GLIS3: variants seen among roughly 807,000 people sequenced by gnomAD.
GLIS3 encodes zinc finger protein GLIS3.
GLIS3 carries 53 observed loss-of-function variants against 78.6 expected under a neutral mutation model. The observed-to-expected ratio is 0.67, with a 90% CI of 0.54 to 0.85. The LOEUF is 0.85. GLIS3 is among the 40% of genes least tolerant of loss of function. GLIS3 has a pLI of 0.00. For synonymous variants in GLIS3, 684 were observed against 509.9 expected, an observed-to-expected ratio of 1.34 and a Z score of -4.60; for missense variants, 1,703 against 1,231.1, an observed-to-expected ratio of 1.38 and a Z score of -5.74.
intron 2 of GLIS3, among the ~76,000 whole-genome samples, chr9:4,216,437 G>T (rs780593722): frequency 1.4e-5 from 2 of 147,038 alleles, no homozygotes; most frequent in Admixed American, 6.9e-5. Context: ...CTGAGATTGC[G>T]CCACTGCACT....
intron 2 of GLIS3, among the ~76,000 whole-genome samples, chr9:4,209,819 C>A (rs112259464): frequency 0.039 from 5,008 of 129,552 alleles, 110 homozygotes; most frequent in Middle Eastern, 0.08. Context: ...ATTCCCGCCC[C>A]CCCCCAGTTG....
At chr9:3,836,324 A>G (rs924667916) in intron 9 of GLIS3, among the ~76,000 whole-genome samples, 11 of 152,218 alleles carry the variant, frequency 7.2e-5, no homozygotes, top group African/African-American at 2.7e-4. Context: ...TGAGCTTTAC[A>G]GCTCTAATTA....
intron 2 of GLIS3, among the ~76,000 whole-genome samples, chr9:4,314,611 A>G (rs1817412187): frequency 6.6e-6 from 1 of 152,224 alleles, no homozygotes; most frequent in Admixed American, 6.5e-5. Context: ...CAGCTACGGA[A>G]TCTTTCATAT....
intron 2 of GLIS3, among the ~76,000 whole-genome samples, chr9:4,142,891 G>A (rs887842436): frequency 6.6e-6 from 1 of 152,072 alleles, no homozygotes; most frequent in African/African-American, 2.4e-5. Flanking sequence ...GAAATTTTGA[G>A]AAATCAAATT....
chr9:4,026,726 T>C (rs923308950), intron 4 of GLIS3, among the ~76,000 whole-genome samples: 2 of 152,214 alleles, frequency 1.3e-5, no homozygotes, highest in Non-Finnish European at 2.9e-5. Context: ...ATTTTTAAGA[T>C]ATGCATTAAA....
rs372723422 is a variant in GLIS3, at chr9:3,872,643, G to A, written c.2297+6784C>T. Among the ~76,000 whole-genome samples, 5 of 152,238 alleles carry A rather than the reference G, an allele frequency of 3.3e-5. No homozygotes were observed. In the East Asian group the frequency reaches 5.8e-4, roughly 18 times the overall value. On this transcript the variant is annotated intron_variant, in intron 8 of 10. Transcript: ENST00000381971. ...ACAACAGTATGGGGGAAACCATCCCGATGATTCAATTATCTCCCAACAGAT... is the reference window on the plus strand; with the variant it reads ...ACAACAGTATGGGGGAAACCATCCCAATGATTCAATTATCTCCCAACAGAT...
At chr9:4,418,233 G>C in the GLIS3 span, among the ~76,000 whole-genome samples, 1 of 150,736 alleles carries the variant, frequency 6.6e-6, no homozygotes, top group South Asian at 2.1e-4. Flanking sequence ...GCTAGAGATG[G>C]CTGAGGCAAT....
chr9:4,207,345 G>A (rs970455004), intron 2 of GLIS3, among the ~76,000 whole-genome samples: 1 of 152,156 alleles, frequency 6.6e-6, no homozygotes, highest in Non-Finnish European at 1.5e-5. Flanking sequence ...CTTAACTTAG[G>A]AATTTCCATT....
chr9:3,869,231 TA>T (rs1397468667), intron 8 of GLIS3, among the ~76,000 whole-genome samples: 1 of 147,832 alleles, frequency 6.8e-6, no homozygotes, highest in Non-Finnish European at 1.5e-5. Context: ...ATTACACATA[TA>T]CTACATTAAA....
At chr9:4,280,493 A>G (rs1251844327) in intron 2 of GLIS3, among the ~76,000 whole-genome samples, 1 of 152,222 alleles carries the variant, frequency 6.6e-6, no homozygotes, top group African/African-American at 2.4e-5. Flanking sequence ...CTTGAGAGAG[A>G]TAAAAGAGGC....
intron 4 of GLIS3, among the ~76,000 whole-genome samples, chr9:3,983,288 TGA>T (rs1819454564): frequency 6.6e-6 from 1 of 152,190 alleles, no homozygotes; most frequent in Non-Finnish European, 1.5e-5. Flanking sequence ...GCCATGATTG[TGA>T]GGTCTCCCCA....
intron 8 of GLIS3, among the ~76,000 whole-genome samples, chr9:3,871,172 G>T (rs770279222): frequency 2.0e-5 from 3 of 152,336 alleles, no homozygotes; most frequent in East Asian, 1.9e-4. Flanking sequence ...GATGCAAGAG[G>T]TGGGTTCCCA....
intron 2 of GLIS3, among the ~76,000 whole-genome samples, chr9:4,257,134 T>C (rs1436373183): frequency 6.6e-6 from 1 of 152,194 alleles, no homozygotes; most frequent in Non-Finnish European, 1.5e-5. Context: ...TGTCTGTTGA[T>C]GTGTACATAT....
rs1480907703 is a variant in GLIS3, at chr9:3,825,511, T to C, written c.*2761A>G. 6.6e-6 allele frequency: 1 copy of C among 152,144 alleles called. No homozygotes were observed. The highest frequency in any genetic ancestry group is 1.5e-5 in the Non-Finnish European group (1 of 68,020). The allele number at this position is 152,144 out of a possible 1,614,324, so 9.4% of individuals were successfully genotyped here. A position where few individuals can be genotyped will look rare whatever the true frequency, so the allele number is the denominator to read the frequency against. ...ACTAGTTTTGTGTTTTGTTTCTGTTTTTAAGGGGAATGACAATCTCTGTTT... is the reference window on the plus strand; with the variant it reads ...ACTAGTTTTGTGTTTTGTTTCTGTTCTTAAGGGGAATGACAATCTCTGTTT... On this transcript the variant is annotated 3_prime_UTR_variant, in exon 11 of 11. Coordinates refer to ENST00000381971, the MANE Select transcript of GLIS3 (RefSeq NM_001042413.2).
intron 8 of GLIS3, among the ~76,000 whole-genome samples, chr9:3,859,347 C>T (rs550007472): frequency 2.3e-4 from 31 of 137,504 alleles, no homozygotes; most frequent in East Asian, 1.1e-3. Context: ...CCTGTTTCTT[C>T]GAAACACACA....
chr9:4,427,165 C>A, the GLIS3 span, among the ~76,000 whole-genome samples: 9 of 152,270 alleles, frequency 5.9e-5, no homozygotes, highest in African/African-American at 1.9e-4. Context: ...GGCGATGGAA[C>A]AGTAAGTTGG....
At chr9:3,949,949 A>G (rs1201696231) in intron 4 of GLIS3, among the ~76,000 whole-genome samples, 1 of 152,152 alleles carries the variant, frequency 6.6e-6, no homozygotes, top group Non-Finnish European at 1.5e-5. Flanking sequence ...GCCAAGCCCT[A>G]CTGCCTATTC....
At chr9:4,035,325 G>C (rs1231035814) in intron 4 of GLIS3, among the ~76,000 whole-genome samples, 4 of 152,006 alleles carry the variant, frequency 2.6e-5, no homozygotes, top group African/African-American at 7.3e-5. Flanking sequence ...TAAAGTAAAA[G>C]CTCCTGACCA....
the GLIS3 span, among the ~76,000 whole-genome samples, chr9:4,415,080 G>A: frequency 6.6e-6 from 1 of 151,952 alleles, no homozygotes; most frequent in Non-Finnish European, 1.5e-5. Context: ...GGTTTTCTTT[G>A]ACACTGGTTA....
Sources: gnomAD v4.1 joint callset for allele counts (sites outside exome capture counted in the v4.1 genomes callset) on GRCh38, gnomAD v4.1.1 for gene constraint, MANE v1.5 for transcripts, NCBI Gene and HGNC (gene_info 2026-07-23, HGNC 2026-07-21) for gene names.